The following PARD6G variants were observed in gnomAD, a reference collection of about 807,000 sequenced individuals.
The protein encoded by PARD6G is par-6 family cell polarity regulator gamma.
In PARD6G, 7 loss-of-function variants were observed where a neutral mutation model predicts 10.7. The ratio of observed to expected loss-of-function variants is 0.66; its 90% confidence interval spans 0.37 to 1.23. PARD6G has a LOEUF of 1.23. Among genes scored for constraint, PARD6G ranks in the 50% most tolerant of loss-of-function variants. PARD6G has a pLI of 0.02. For synonymous variants in PARD6G, 287 were observed against 269.4 expected (o/e 1.07, Z -0.64); for missense variants, 548 against 571.8 (o/e 0.96, Z 0.42).
Position 80,202,746 on chromosome 18 carries a change from C to G in PARD6G, c.259G>C (p.Ala87Pro). The change falls in exon 2 of 3, where the codon GCA (alanine) becomes CCA (proline). Residue 87 changes from alanine to proline, a missense_variant. Ala to Pro is a conservative substitution (Grantham distance 27). Coordinates refer to ENST00000353265, the MANE Select transcript of PARD6G (RefSeq NM_032510.4). ...ATGAAGACCCTGAGCAGGGGATTTG[C>G]ACTAGAAACCGCCTTGCAGAAGTTG... ...DDNFCKAVSS[A>P]NPLLRVFIQK... 1 of 1,613,514 alleles carries G rather than the reference C, an allele frequency of 6.2e-7. No homozygotes were observed. Among genetic ancestry groups the G allele is most frequent in the Non-Finnish European group, 8.5e-7 (1 of 1,179,984 alleles).
rs915634351 is a variant in PARD6G at position 80,180,774 on chromosome 18, CAG to C, written c.296-20170_296-20169del. Among the ~76,000 whole-genome samples, 9 of 152,154 alleles carry C rather than the reference CAG, an allele frequency of 5.9e-5. No individual in the cohort carries two copies. Among genetic ancestry groups the C allele is most frequent in the African/African-American group, 2.2e-4 (9 of 41,432 alleles). ...CAGGCCCAGCCCTTCCTCATCACAA[CAG>C]AGAGCCCACCACAGGGGACAGCCAC... On this transcript the variant is annotated intron_variant, in intron 2 of 2. Transcript: ENST00000353265. This position sits in a 1 kb window ranked among gnomAD's most constrained non-coding sequence, Gnocchi z 5.6.
intron 1 of PARD6G, among the ~76,000 whole-genome samples, chr18:80,241,447 T>G: frequency 6.9e-6 from 1 of 145,294 alleles, no homozygotes; most frequent in East Asian, 1.9e-4. Context: ...TAGTGAACTA[T>G]CTGCAATTGC....
chr18:80,227,125 T>TA (rs1967300875), intron 1 of PARD6G, among the ~76,000 whole-genome samples: 1 of 152,092 alleles, frequency 6.6e-6, no homozygotes, highest in South Asian at 2.1e-4. Context: ...CCCAGCTAAT[T>TA]AAAAAATATA....
At position 80,201,218 on chromosome 18, in the gene PARD6G, A is replaced by T. The variant is rs1192423267; in HGVS notation, c.295+1492T>A. On this transcript the variant is annotated intron_variant, in intron 2 of 2. Coordinates refer to ENST00000353265, the MANE Select transcript of PARD6G (RefSeq NM_032510.4). This position sits in a 1 kb window ranked among gnomAD's most constrained non-coding sequence, Gnocchi z 5.9. ...GGAACACGGGCTCATCAGATCAAGC[A>T]GCTGAGACCAGGCCTTCCTGAGAAG... Among the ~76,000 whole-genome samples the T allele has an allele frequency of 6.6e-6, 1 of 152,150 alleles. No individual in the cohort carries two copies. Among genetic ancestry groups the T allele is most frequent in the East Asian group, 1.9e-4 (1 of 5,182 alleles).
At chr18:80,209,878 AATG>A (rs1180917823) in intron 1 of PARD6G, among the ~76,000 whole-genome samples, 1 of 152,208 alleles carries the variant, frequency 6.6e-6, no homozygotes, top group African/African-American at 2.4e-5. Flanking sequence ...AAATGTATTC[AATG>A]ATAACATCAT....
intron 2 of PARD6G, among the ~76,000 whole-genome samples, chr18:80,166,625 G>A (rs533406714): frequency 4.0e-5 from 6 of 151,174 alleles, no homozygotes; most frequent in Middle Eastern, 3.4e-3. Flanking sequence ...CCTCTGTAGA[G>A]AGCGTCAGAC....
At chr18:80,244,944 C>T (rs1333967438) in intron 1 of PARD6G, among the ~76,000 whole-genome samples, 4 of 152,164 alleles carry the variant, frequency 2.6e-5, no homozygotes, top group African/African-American at 9.7e-5. Flanking sequence ...AGTTCAGCCC[C>T]ATCACGGTGG....
intron 1 of PARD6G, among the ~76,000 whole-genome samples, chr18:80,243,733 C>T (rs1967513766): frequency 1.3e-5 from 2 of 152,110 alleles, no homozygotes; most frequent in Admixed American, 1.3e-4. Flanking sequence ...CACAGGCATC[C>T]AGAATGACTT....
intron 1 of PARD6G, among the ~76,000 whole-genome samples, chr18:80,236,325 TA>T (rs1967422030): frequency 6.6e-6 from 1 of 152,158 alleles, no homozygotes; most frequent in African/African-American, 2.4e-5. Flanking sequence ...AAACTCTCAA[TA>T]AATTAGGTAT....
At chr18:80,207,466 A>ATGAAAGATT (rs1967064808) in intron 1 of PARD6G, among the ~76,000 whole-genome samples, 1 of 152,220 alleles carries the variant, frequency 6.6e-6, no homozygotes, top group African/African-American at 2.4e-5. Context: ...CTTAATGTAA[A>ATGAAAGATT]CGAAAGATTC....
At chr18:80,171,889 T>C (rs2145252630) in intron 2 of PARD6G, among the ~76,000 whole-genome samples, 1 of 152,382 alleles carries the variant, frequency 6.6e-6, no homozygotes, top group Non-Finnish European at 1.5e-5. Context: ...TGAATAATGC[T>C]GTTGTGAACA....
At chr18:80,186,120 G>C (rs1280799907) in intron 2 of PARD6G, among the ~76,000 whole-genome samples, 1 of 116,406 alleles carries the variant, frequency 8.6e-6, no homozygotes, top group Non-Finnish European at 1.7e-5. Context: ...ACCCTCACAC[G>C]CACCCACACA....
rs942742697 is a variant in PARD6G, at chr18:80,238,907, G to A, written c.72+8370C>T. On this transcript the variant is annotated intron_variant, in intron 1 of 2. Coordinates refer to ENST00000353265, the MANE Select transcript of PARD6G (RefSeq NM_032510.4). ...GTGACAGATAGACTAGTAGTTTCAC[G>A]TAGGCCACGTGGGAGGGCCTCGGTG... 3.9e-5 allele frequency among the ~76,000 whole-genome samples: 6 copies of A among 152,178 alleles called. No individual in the cohort carries two copies. The South Asian group carries it at 1.0e-3, about 26-fold the overall frequency.
intron 1 of PARD6G, among the ~76,000 whole-genome samples, chr18:80,223,700 GCTAACTAGAAGCCATGTTCAGAAA>G (rs1163622533): frequency 6.6e-6 from 1 of 152,172 alleles, no homozygotes; most frequent in Non-Finnish European, 1.5e-5. Context: ...GAAATTGAAG[GCTAACTAGAAGCCATGTTCAGAAA>G]CATGACAACC....
chr18:80,160,161 G>C lies in PARD6G; in HGVS notation c.741C>G (p.Val247=). The change falls in exon 3 of 3, where the codon GTC becomes GTG. Residue 247 remains valine, a synonymous_variant. Coordinates refer to ENST00000353265, the MANE Select transcript of PARD6G (RefSeq NM_032510.4). ...CGTTGTTGCGCTGGTTGGCGGGCTT[G>C]ACGGTGACGATGAGGTTGTGGCTGT... ...IANSHNLIVT[V]KPANQRNNVV... is the part of the protein sequence containing the mutation. The C allele has an allele frequency of 6.2e-7, 1 of 1,613,442 alleles. No homozygotes were observed. Among genetic ancestry groups the C allele is most frequent in the East Asian group, 2.2e-5 (1 of 44,866 alleles).
At chr18:80,218,211 T>C (rs1478675634) in intron 1 of PARD6G, among the ~76,000 whole-genome samples, 1 of 152,130 alleles carries the variant, frequency 6.6e-6, no homozygotes, top group Admixed American at 6.5e-5. Flanking sequence ...CATTCCAGCA[T>C]TAACTCAAAA....
intron 1 of PARD6G, among the ~76,000 whole-genome samples, chr18:80,213,448 T>G (rs919357816): frequency 6.6e-6 from 1 of 152,170 alleles, no homozygotes; most frequent in African/African-American, 2.4e-5. Flanking sequence ...CCAACAGATA[T>G]AGAGCCACTC....
intron 2 of PARD6G, among the ~76,000 whole-genome samples, chr18:80,164,670 G>T (rs1319989172): frequency 3.3e-5 from 5 of 152,200 alleles, no homozygotes; most frequent in Non-Finnish European, 4.4e-5. Context: ...TTCAACGTAG[G>T]TTCTATTTTC....
chr18:80,165,994 A>C (rs1024212989), intron 2 of PARD6G, among the ~76,000 whole-genome samples: 28 of 152,188 alleles, frequency 1.8e-4, no homozygotes, highest in African/African-American at 6.8e-4. Flanking sequence ...AGGCAGCAGA[A>C]TCGCTTCCAG....
Sources: allele counts gnomAD v4.1 joint callset (sites outside exome capture counted in the v4.1 genomes callset), GRCh38; gene constraint gnomAD v4.1.1; non-coding constraint Gnocchi (gnomAD v3.1); transcripts MANE v1.5; gene names NCBI Gene and HGNC (gene_info 2026-07-23, HGNC 2026-07-21).